Variants in DDX52 observed in about 807,000 individuals in gnomAD.
The protein encoded by DDX52 is DExD-box helicase 52, also known as probable ATP-dependent RNA helicase DDX52.
In DDX52, 59 loss-of-function variants were observed where a neutral mutation model predicts 76.1. The observed-to-expected ratio is 0.78, with a 90% CI of 0.63 to 0.96. The LOEUF is 0.96. Ranked by LOEUF, DDX52 falls within the 40% of genes least tolerant of loss-of-function variation. The pLI, the probability that DDX52 is intolerant of heterozygous loss-of-function variation, is 0.00. For missense variants in DDX52, 707 were observed against 703.9 expected, an observed-to-expected ratio of 1.00 and a Z score of -0.05; for synonymous variants, 231 against 244.1, an observed-to-expected ratio of 0.95 and a Z score of 0.50.
intron 6 of DDX52, among the ~76,000 whole-genome samples, chr17:37,627,295 C>T (rs754013129): frequency 7.9e-5 from 12 of 152,148 alleles, no homozygotes; most frequent in Admixed American, 2.0e-4. Context: ...CTCTGCCTCC[C>T]GGGTTCACGC....
chr17:37,643,269 C>T lies in DDX52; in HGVS notation c.87+65G>A, dbSNP rs2031284818. On this transcript the variant is annotated intron_variant, in intron 1 of 14. Transcript: ENST00000617633. ...CAAGTGCGCCGGCCTCCCCCAGCAG[C>T]GGGTTCATTCCCGGGCTCCTGCTCC... The T allele has an allele frequency of 2.0e-6, 3 of 1,528,832 alleles. No individual in the cohort carries two copies. In the Admixed American group the frequency reaches 5.8e-5, roughly 29 times the overall value. The allele number at this position is 1,528,832 out of a possible 1,614,324, so 94.7% of individuals were successfully genotyped here. A position where few individuals can be genotyped will look rare whatever the true frequency, so the allele number is the denominator to read the frequency against.
rs2064274028 is a variant in DDX52, at chr17:37,609,890, G to C, written c.*4406C>G. 1 of 152,418 alleles carries C rather than the reference G, an allele frequency of 6.6e-6. No homozygotes were observed. The highest frequency in any genetic ancestry group is 2.4e-5 in the African/African-American group (1 of 41,440). The allele number at this position is 152,418 out of a possible 1,614,324, so 9.4% of individuals were successfully genotyped here. On this transcript the variant is annotated 3_prime_UTR_variant, in exon 15 of 15. Coordinates refer to ENST00000617633, the MANE Select transcript of DDX52 (RefSeq NM_007010.5). ...TTTCTCTGGAACTCGGTAGCTTCAT[G>C]TTGGCACCTATCACAGACGCTGAAG...
chr17:37,618,640 C>G (rs894005952), intron 13 of DDX52, among the ~76,000 whole-genome samples: 2 of 152,132 alleles, frequency 1.3e-5, no homozygotes, highest in Admixed American at 6.5e-5. Context: ...CACCACCACG[C>G]CCGGCTAAAT....
intron 3 of DDX52, 44 bp from the exon 4 acceptor site, chr17:37,632,342 A>C: frequency 6.3e-7 from 1 of 1,598,092 alleles, no homozygotes; most frequent in Non-Finnish European, 8.6e-7. Flanking sequence ...TGGCCAAATA[A>C]ATACATTCTC....
At chr17:37,626,917 A>G in intron 6 of DDX52, 57 bp from the exon 7 acceptor site, 2 of 1,444,262 alleles carry the variant, frequency 1.4e-6, no homozygotes, top group Admixed American at 3.8e-5. Context: ...CTCTTGAACT[A>G]GGAATTAAGC....
At chr17:37,624,722 T>A (rs949206421) in intron 8 of DDX52, among the ~76,000 whole-genome samples, 1 of 152,130 alleles carries the variant, frequency 6.6e-6, no homozygotes, top group Non-Finnish European at 1.5e-5. Context: ...AACTGTAAAA[T>A]TATTGAGTAA....
intron 2 of DDX52, among the ~76,000 whole-genome samples, chr17:37,637,620 G>C (rs2030993317): frequency 1.3e-5 from 2 of 151,800 alleles, no homozygotes; most frequent in Admixed American, 6.6e-5. Flanking sequence ...TGTTGCCCAG[G>C]CTGGAGTGCA....
At chr17:37,635,983 ATCT>A (rs1397174074) in intron 2 of DDX52, among the ~76,000 whole-genome samples, 3 of 152,186 alleles carry the variant, frequency 2.0e-5, no homozygotes, top group African/African-American at 4.8e-5. Context: ...CATGTGTATT[ATCT>A]TCTTTAGTGA....
chr17:37,625,831 C>CTTTT, intron 8 of DDX52, 64 bp downstream of exon 8: 1 of 1,587,718 alleles, frequency 6.3e-7, no homozygotes, highest in Non-Finnish European at 8.6e-7. Context: ...CTCCTTCAGT[C>CTTTT]TTTAAAAAAG....
intron 5 of DDX52, among the ~76,000 whole-genome samples, chr17:37,629,211 A>C: frequency 6.8e-6 from 1 of 147,590 alleles, no homozygotes; most frequent in South Asian, 2.2e-4. Flanking sequence ...ACAGAGCATG[A>C]CTGTCCCAAG....
At chr17:37,620,132 G>A (rs2030007500) in intron 12 of DDX52, 1 of 321,186 alleles carries the variant, frequency 3.1e-6, no homozygotes, top group East Asian at 5.5e-5. Context: ...ACTGAAGCCA[G>A]AGTCAAGCTT....
chr17:37,639,533 C>G (rs1202032299), intron 2 of DDX52: 1 of 666,750 alleles, frequency 1.5e-6, no homozygotes, highest in African/African-American at 2.0e-5. Flanking sequence ...GTCAGGAGAT[C>G]GAGACCATAC....
At chr17:37,633,450 T>C in intron 2 of DDX52, 32 bp from the exon 3 acceptor site, 1 of 1,508,080 alleles carries the variant, frequency 6.6e-7, no homozygotes, top group Non-Finnish European at 8.8e-7. Flanking sequence ...TAAAAGATTT[T>C]AACAGTCTAG....
At chr17:37,632,865 C>T (rs939333991) in intron 3 of DDX52, among the ~76,000 whole-genome samples, 2 of 152,206 alleles carry the variant, frequency 1.3e-5, no homozygotes, top group African/African-American at 4.8e-5. Flanking sequence ...CCATATCCTA[C>T]TCCTCTTATT....
chr17:37,621,225 C>G lies in DDX52; in HGVS notation c.1403G>C (p.Cys468Ser). ...FRAGKIWVLI[C>S]TALLARGIDF... ...AATCCCTCTTGCTAGCAAGGCTGTA[C>G]AAATCAGAACCCAGATTTTTCCTGC... Residue 468 changes from cysteine (C) to serine (S), a missense_variant, in exon 11 of 15, where the codon TGT (cysteine) becomes TCT (serine). Physicochemically the swap from Cys to Ser is moderately radical, Grantham distance 112. Coordinates refer to ENST00000617633, the MANE Select transcript of DDX52 (RefSeq NM_007010.5). 6.2e-7 allele frequency: 1 copy of G among 1,613,922 alleles called. No individual in the cohort carries two copies. Among genetic ancestry groups the G allele is most frequent in the Non-Finnish European group, 8.5e-7 (1 of 1,179,958 alleles).
Position 37,610,869 on chromosome 17 carries a change from C to G in DDX52, c.*3427G>C, listed in dbSNP as rs2064331788. 2 of 152,220 alleles carry G rather than the reference C, an allele frequency of 1.3e-5. No homozygotes were observed. The highest frequency in any genetic ancestry group is 4.8e-5 in the African/African-American group (2 of 41,456). The allele number at this position is 152,220 out of a possible 1,614,324, so 9.4% of individuals were successfully genotyped here. A position where few individuals can be genotyped will look rare whatever the true frequency, so the allele number is the denominator to read the frequency against. On this transcript the variant is annotated 3_prime_UTR_variant, in exon 15 of 15. Coordinates refer to ENST00000617633, the MANE Select transcript of DDX52 (RefSeq NM_007010.5). ...CCTGTTCACTAATTTCACTCCTTCC[C>G]TTCCTTGTGTGAAGCTGAAATTTAT...
chr17:37,626,677 T>C, intron 7 of DDX52, 111 bp downstream of exon 7: 1 of 1,014,842 alleles, frequency 9.9e-7, no homozygotes, highest in Admixed American at 2.2e-5. Flanking sequence ...CAACACTGAC[T>C]GAAGGTGGCA....
intron 14 of DDX52, 107 bp from the exon 15 acceptor site, chr17:37,614,460 C>CA: frequency 9.3e-7 from 1 of 1,076,858 alleles, no homozygotes; most frequent in Non-Finnish European, 1.3e-6. Flanking sequence ...TACTGTGTAT[C>CA]AAATAATGAG....
chr17:37,621,837 CT>C (rs1375315035), intron 9 of DDX52, among the ~76,000 whole-genome samples: 1 of 152,258 alleles, frequency 6.6e-6, no homozygotes, highest in African/African-American at 2.4e-5. Context: ...GCCTCAAAAC[CT>C]TTTTTTATTC....
Sources: gnomAD v4.1 joint callset for allele counts (sites outside exome capture counted in the v4.1 genomes callset) on GRCh38, gnomAD v4.1.1 for gene constraint, MANE v1.5 for transcripts, NCBI Gene and HGNC (gene_info 2026-07-23, HGNC 2026-07-21) for gene names.